GAPVD1: variants seen among roughly 807,000 people sequenced by gnomAD.
GAPVD1 encodes the protein GTPase activating protein and VPS9 domains 1.
Under a neutral mutation model 155.5 loss-of-function variants are expected in GAPVD1, and 35 were observed. The observed-to-expected ratio is 0.23, with a 90% CI of 0.17 to 0.30. The LOEUF (loss-of-function observed/expected upper bound fraction) is 0.30, where lower values mean the gene tolerates loss of function less well. GAPVD1 is among the 10% of genes least tolerant of loss of function. GAPVD1 has a pLI of 1.00. For missense variants in GAPVD1, 1,429 were observed against 1,775.7 expected (o/e 0.80, Z 3.51); for synonymous variants, 636 against 619.7 (o/e 1.03, Z -0.39).
intron 5 of GAPVD1, 147 bp from the exon 6 acceptor site, chr9:125,304,916 A>G (rs1841532355): frequency 2.1e-6 from 1 of 466,062 alleles, no homozygotes; most frequent in Non-Finnish European, 3.9e-6. Context: ...TTTTTGGGGG[A>G]TACTATTTCA....
At chr9:125,323,282 T>TTTTTG (rs1424158378) in intron 10 of GAPVD1, among the ~76,000 whole-genome samples, 4 of 150,402 alleles carry the variant, frequency 2.7e-5, no homozygotes, top group Non-Finnish European at 4.4e-5. Flanking sequence ...ATTTTTATAT[T>TTTTTG]TTTTGTTTTG....
chr9:125,323,014 C>T (rs1296647739), intron 10 of GAPVD1, among the ~76,000 whole-genome samples: 1 of 146,026 alleles, frequency 6.8e-6, no homozygotes, highest in Admixed American at 7.0e-5. Flanking sequence ...GATGGTGCCA[C>T]TGCATTCCAG....
At chr9:125,321,676 C>A in intron 10 of GAPVD1, 114 bp downstream of exon 10, 1 of 926,422 alleles carries the variant, frequency 1.1e-6, no homozygotes. Flanking sequence ...ACTGAGGAGA[C>A]TAATGAAGAT....
At chr9:125,264,686 G>A (rs1157790854) in intron 1 of GAPVD1, among the ~76,000 whole-genome samples, 2 of 150,288 alleles carry the variant, frequency 1.3e-5, no homozygotes, top group Middle Eastern at 3.2e-3. Flanking sequence ...AAATTTTACT[G>A]TTTGCTGGTT....
chr9:125,321,461 G>A lies in GAPVD1; in HGVS notation c.1631G>A (p.Gly544Glu). 6.2e-7 allele frequency: 1 copy of A among 1,612,318 alleles called. No individual in the cohort carries two copies. The highest frequency in any genetic ancestry group is 8.5e-7 in the Non-Finnish European group (1 of 1,178,404). Reference sequence around the variant, plus strand: ...CTAAACATGCAGCTTTCGGATGGAGGACAAGGAGATGTCCCTGTTGATGAA... The same window carrying A: ...CTAAACATGCAGCTTTCGGATGGAGAACAAGGAGATGTCCCTGTTGATGAA... ...EVLNMQLSDG[G>E]QGDVPVDENK... The change falls in exon 10 of 28, where the codon GGA (glycine) becomes GAA (glutamate). Residue 544 changes from glycine to glutamate, a missense_variant. Around this residue, in one of 4 missense-constraint regions of GAPVD1, gnomAD observed 628 missense variants for 733.4 expected, o/e 0.86. Transcript: ENST00000297933.
At chr9:125,350,106 C>T (rs142452232) in intron 21 of GAPVD1, among the ~76,000 whole-genome samples, 189 bp from the exon 22 acceptor site, 20 of 152,268 alleles carry the variant, frequency 1.3e-4, no homozygotes, top group African/African-American at 4.1e-4. Flanking sequence ...GTCCTTGCCC[C>T]GAGCACACCT....
At chr9:125,309,023 A>T (rs1842277557) in intron 8 of GAPVD1, 1 of 152,222 alleles carries the variant, frequency 6.6e-6, no homozygotes, top group Non-Finnish European at 1.5e-5. Flanking sequence ...CCAGGGGAAC[A>T]GGAGTATTTT....
At chr9:125,360,793 A>G in intron 27 of GAPVD1, 68 bp downstream of exon 27, 1 of 1,133,006 alleles carries the variant, frequency 8.8e-7, no homozygotes, top group Non-Finnish European at 1.3e-6. Flanking sequence ...AGGGCTTCAC[A>G]CAACCATAGA....
At chr9:125,315,932 C>T (rs964889909) in intron 9 of GAPVD1, among the ~76,000 whole-genome samples, 1 of 152,156 alleles carries the variant, frequency 6.6e-6, no homozygotes, top group African/African-American at 2.4e-5. Flanking sequence ...CAGTTGCAAA[C>T]TGCCTGGCTA....
At position 125,322,265 on chromosome 9, in the gene GAPVD1, C is replaced by T. The variant is rs370176854; in HGVS notation, c.1732+703C>T. On this transcript the variant is annotated intron_variant, in intron 10 of 27. Transcript: ENST00000297933. ...ATTTTTAGTAGAGACGGGGTTTCAC[C>T]GTGTTAGCCAGGATGGTCTCGATCT... 1.2e-4 allele frequency among the ~76,000 whole-genome samples: 19 copies of T among 152,146 alleles called. 1 individual carries two copies. The South Asian group carries it at 3.1e-3, about 25-fold the overall frequency.
intron 15 of GAPVD1, among the ~76,000 whole-genome samples, chr9:125,333,680 G>A (rs1460204068): frequency 3.3e-5 from 5 of 151,552 alleles, no homozygotes; most frequent in Non-Finnish European, 1.5e-5. Context: ...TAGAGACAGG[G>A]TTTCTCCATG....
intron 9 of GAPVD1, among the ~76,000 whole-genome samples, chr9:125,314,843 A>G (rs1843166590): frequency 7.0e-6 from 1 of 142,574 alleles, no homozygotes; most frequent in African/African-American, 2.6e-5. Flanking sequence ...GCTGGAGTGC[A>G]GTGGTGCGAT....
chr9:125,338,929 TTG>T lies in GAPVD1; in HGVS notation c.2877+1366_2877+1367del, dbSNP rs144909106. Among the ~76,000 whole-genome samples, 658 of 146,664 alleles carry T rather than the reference TTG, an allele frequency of 4.5e-3. 8 individuals carry two copies. Among genetic ancestry groups the T allele is most frequent in the African/African-American group, 0.013 (503 of 39,674 alleles). ...ATGGTTTTCTGTCTTTTAAAAAAAT[TTG>T]TGTGTGTGTGTGTGTGTGTGTGTGT... On this transcript the variant is annotated intron_variant, in intron 17 of 27. Coordinates refer to ENST00000297933, the MANE Select transcript of GAPVD1 (RefSeq NM_001282680.3).
chr9:125,307,122 C>T (rs765504421), intron 6 of GAPVD1, among the ~76,000 whole-genome samples: 7 of 151,826 alleles, frequency 4.6e-5, no homozygotes, highest in East Asian at 1.9e-4. Flanking sequence ...AAAAATTAGC[C>T]GGGCATGGTC....
At chr9:125,343,742 C>G (rs1465617245) in intron 19 of GAPVD1, among the ~76,000 whole-genome samples, 4 of 152,228 alleles carry the variant, frequency 2.6e-5, no homozygotes. Flanking sequence ...TCACACATGA[C>G]TCTTCAGGAC....
At chr9:125,324,748 CAGTT>C (rs1411623955) in intron 11 of GAPVD1, among the ~76,000 whole-genome samples, 1 of 151,970 alleles carries the variant, frequency 6.6e-6, no homozygotes, top group Non-Finnish European at 1.5e-5. Flanking sequence ...TTTCAGGTAT[CAGTT>C]AGGGAAATGG....
chr9:125,335,569 C>G (rs546704524), intron 15 of GAPVD1, among the ~76,000 whole-genome samples: 1 of 151,706 alleles, frequency 6.6e-6, no homozygotes, highest in African/African-American at 2.4e-5. Flanking sequence ...GCCAGCTACT[C>G]GGGAGGCTGA....
chr9:125,265,709 C>A (rs1833816561), intron 1 of GAPVD1, among the ~76,000 whole-genome samples: 1 of 8,818 alleles, frequency 1.1e-4, no homozygotes, highest in South Asian at 3.5e-3. Context: ...CCGCGCCCGG[C>A]CAAAAAAAAA....
At chr9:125,356,838 A>AT (rs897596896) in intron 25 of GAPVD1, among the ~76,000 whole-genome samples, 3 of 151,348 alleles carry the variant, frequency 2.0e-5, no homozygotes, top group African/African-American at 7.3e-5. Flanking sequence ...TGCCCTGCTA[A>AT]TTTTTTTTGT....
Sources: allele counts gnomAD v4.1 joint callset (sites outside exome capture counted in the v4.1 genomes callset), GRCh38; gene constraint gnomAD v4.1.1; regional missense constraint gnomAD v4.1.1; transcripts MANE v1.5; gene names NCBI Gene and HGNC (gene_info 2026-07-23, HGNC 2026-07-21).